WDPCP: variants seen among roughly 807,000 people sequenced by gnomAD.
WDPCP encodes WD repeat-containing and planar cell polarity effector protein fritz homolog.
WDPCP carries 71 observed loss-of-function variants against 93.1 expected under a neutral mutation model. The ratio of observed to expected loss-of-function variants is 0.76; its 90% CI spans 0.63 to 0.93. The LOEUF (loss-of-function observed/expected upper bound fraction) is 0.93. WDPCP is among the 40% of genes least tolerant of loss of function. WDPCP has a pLI of 0.00. For synonymous variants in WDPCP, 315 were observed against 315.0 expected (o/e 1.00, Z 0.00); for missense variants, 844 against 887.4 (o/e 0.95, Z 0.62).
chr2:63,305,831 T>C (rs1220522235), intron 13 of WDPCP, among the ~76,000 whole-genome samples: 1 of 151,404 alleles, frequency 6.6e-6, no homozygotes, highest in Non-Finnish European at 1.5e-5. Context: ...AATTGCTAAC[T>C]AGAATAACCA....
At chr2:63,392,605 C>A (rs1303543137) in intron 10 of WDPCP, among the ~76,000 whole-genome samples, 1 of 152,142 alleles carries the variant, frequency 6.6e-6, no homozygotes, top group African/African-American at 2.4e-5. Context: ...AGGCAACCTA[C>A]AGAATGGGAG....
intron 14 of WDPCP, among the ~76,000 whole-genome samples, chr2:63,252,297 G>A (rs4361112): frequency 1.3e-5 from 2 of 152,216 alleles, no homozygotes; most frequent in Admixed American, 1.3e-4. Flanking sequence ...CAAAGTAAGA[G>A]CCATCTATGA....
intron 2 of WDPCP, among the ~76,000 whole-genome samples, chr2:63,670,278 C>T (rs1026288707): frequency 1.2e-4 from 18 of 152,244 alleles, no homozygotes; most frequent in Middle Eastern, 3.4e-3. Flanking sequence ...GCAGTCGTGG[C>T]GTTGCTACAC....
At chr2:63,243,156 C>T (rs1010929959) in intron 14 of WDPCP, among the ~76,000 whole-genome samples, 2 of 152,130 alleles carry the variant, frequency 1.3e-5, no homozygotes, top group African/African-American at 4.8e-5. Flanking sequence ...AGAAATGACA[C>T]AATATAAAAA....
chr2:63,531,322 C>T (rs895075983), intron 1 of WDPCP, among the ~76,000 whole-genome samples: 19 of 152,178 alleles, frequency 1.2e-4, no homozygotes, highest in South Asian at 4.1e-4. Flanking sequence ...CCCTGTCTGA[C>T]GATTTGAAGA....
chr2:63,667,744 G>A (rs528771186), intron 2 of WDPCP, among the ~76,000 whole-genome samples: 1 of 123,722 alleles, frequency 8.1e-6, no homozygotes, highest in African/African-American at 3.3e-5. Context: ...CCAGGAGGAA[G>A]AGCTGCTGGC....
chr2:63,211,366 C>T (rs879459912), intron 14 of WDPCP, among the ~76,000 whole-genome samples: 3 of 152,200 alleles, frequency 2.0e-5, no homozygotes, highest in East Asian at 1.9e-4. Context: ...GAGTGGACCT[C>T]CAGCAAACTC....
intron 1 of WDPCP, among the ~76,000 whole-genome samples, chr2:63,511,115 CAG>C (rs1702206219): frequency 6.6e-6 from 1 of 151,992 alleles, no homozygotes; most frequent in Non-Finnish European, 1.5e-5. Context: ...AATAGACAAA[CAG>C]CCAAATCATG....
In WDPCP at chr2:63,313,322, GA is replaced by G. The variant is rs750072390; in HGVS notation, c.1749-12del. On this transcript the variant is annotated splice_polypyrimidine_tract_variant and intron_variant, in intron 12 of 17. Transcript: ENST00000272321. ...TCAAACCTCTGGTACCTACAAGGCA[GA>G]AAAAAATATTATGTTAGTTGTGAAC... The G allele has an allele frequency of 4.3e-6, 7 of 1,611,904 alleles. No homozygotes were observed. In the East Asian group the frequency reaches 1.3e-4, roughly 31 times the overall value.
chr2:63,824,886 T>C (rs1318456739), intron 1 of WDPCP, among the ~76,000 whole-genome samples: 1 of 152,078 alleles, frequency 6.6e-6, no homozygotes, highest in Non-Finnish European at 1.5e-5. Context: ...GACACAATGG[T>C]GAACTAGCAA....
chr2:63,136,470 T>G (rs185427324), intron 17 of WDPCP, among the ~76,000 whole-genome samples: 61 of 152,252 alleles, frequency 4.0e-4, no homozygotes, highest in South Asian at 2.1e-4. Flanking sequence ...TTATCTATTA[T>G]ATACAGACAC....
At chr2:63,734,870 TAGACAGACAGAC>T (rs10586648) in intron 2 of WDPCP, among the ~76,000 whole-genome samples, 138 of 141,440 alleles carry the variant, frequency 9.8e-4, no homozygotes, top group Middle Eastern at 7.5e-3. Context: ...GATAGATAGA[TAGACAGACAGAC>T]AGACAGACAG....
intron 13 of WDPCP, among the ~76,000 whole-genome samples, chr2:63,278,647 G>A (rs1293329901): frequency 6.6e-6 from 1 of 152,052 alleles, no homozygotes; most frequent in Non-Finnish European, 1.5e-5. Context: ...CAAACACAGT[G>A]AAACCCTGTC....
intron 2 of WDPCP, among the ~76,000 whole-genome samples, chr2:63,659,626 G>A (rs1360652517): frequency 6.6e-6 from 1 of 152,180 alleles, no homozygotes; most frequent in Non-Finnish European, 1.5e-5. Context: ...CTAGAGCCTT[G>A]GGAGGGAGGA....
At chr2:63,569,530 C>CA (rs961873022) in intron 1 of WDPCP, among the ~76,000 whole-genome samples, 19 of 151,844 alleles carry the variant, frequency 1.3e-4, no homozygotes, top group Non-Finnish European at 2.4e-4. Flanking sequence ...CAATGTCATT[C>CA]AAAAAAAAGA....
At chr2:63,764,720 G>C (rs1200554587) in intron 2 of WDPCP, among the ~76,000 whole-genome samples, 1 of 152,114 alleles carries the variant, frequency 6.6e-6, no homozygotes, top group Non-Finnish European at 1.5e-5. Context: ...CGTTTATTTA[G>C]GGGATGGACC....
At chr2:63,173,592 G>T (rs1184814900) in intron 15 of WDPCP, among the ~76,000 whole-genome samples, 2 of 152,182 alleles carry the variant, frequency 1.3e-5, no homozygotes, top group South Asian at 2.1e-4. Context: ...AAGAAAATAA[G>T]AGACTTCTAC....
At chr2:63,297,269 C>A (rs534370871) in intron 13 of WDPCP, among the ~76,000 whole-genome samples, 1 of 152,280 alleles carries the variant, frequency 6.6e-6, no homozygotes, top group South Asian at 2.1e-4. Context: ...CCGGTACAGC[C>A]TGCATTCCAA....
chr2:63,561,746 T>C (rs1024252040), intron 1 of WDPCP, among the ~76,000 whole-genome samples: 1 of 152,224 alleles, frequency 6.6e-6, no homozygotes, highest in African/African-American at 2.4e-5. Flanking sequence ...AGGACATTTA[T>C]GCAGCCAACA....
Sources: allele counts gnomAD v4.1 joint callset (sites outside exome capture counted in the v4.1 genomes callset), GRCh38; gene constraint gnomAD v4.1.1; transcripts MANE v1.5; gene names NCBI Gene and HGNC (gene_info 2026-07-23, HGNC 2026-07-21).